Variants in NRXN3 observed in about 807,000 individuals in gnomAD.
NRXN3 encodes the protein neurexin III.
In NRXN3, 32 loss-of-function variants were observed where a neutral mutation model predicts 137.6. That is an observed-to-expected ratio of 0.23 (90% CI 0.18 to 0.31). The LOEUF (loss-of-function observed/expected upper bound fraction) is 0.31, where lower values mean the gene tolerates loss of function less well. Ranked by LOEUF, NRXN3 falls within the 10% of genes least tolerant of loss-of-function variation. The pLI is 1.00. For missense variants in NRXN3, 1,574 were observed against 2,062.5 expected (o/e 0.76, Z 4.59); for synonymous variants, 798 against 784.5 (o/e 1.02, Z -0.29).
chr14:79,233,350 G>T (rs763066395), intron 15 of NRXN3, among the ~76,000 whole-genome samples: 1 of 152,116 alleles, frequency 6.6e-6, no homozygotes, highest in Non-Finnish European at 1.5e-5. Flanking sequence ...TGGGGCTCAG[G>T]GTTCACTGGG....
At chr14:79,376,590 T>C (rs1463219866) in intron 15 of NRXN3, among the ~76,000 whole-genome samples, 1 of 152,086 alleles carries the variant, frequency 6.6e-6, no homozygotes, top group Non-Finnish European at 1.5e-5. Flanking sequence ...GATGATGTCA[T>C]TGATGAGATT....
At chr14:79,226,976 A>G (rs1231723918) in intron 15 of NRXN3, among the ~76,000 whole-genome samples, 4 of 150,774 alleles carry the variant, frequency 2.7e-5, no homozygotes, top group Non-Finnish European at 5.9e-5. Flanking sequence ...ATGCACCACC[A>G]CACCCAGCTA....
intron 16 of NRXN3, among the ~76,000 whole-genome samples, chr14:79,584,999 A>G (rs2097754220): frequency 6.6e-6 from 1 of 152,224 alleles, no homozygotes; most frequent in African/African-American, 2.4e-5. Flanking sequence ...CACAGCAACC[A>G]ATGTCCTTTC....
chr14:78,376,646 T>C (rs1282398257), intron 4 of NRXN3, among the ~76,000 whole-genome samples: 1 of 152,148 alleles, frequency 6.6e-6, no homozygotes, highest in Non-Finnish European at 1.5e-5. Flanking sequence ...CTAAAGAAGC[T>C]GAAAAGCTGG....
chr14:78,299,772 A>G (rs914554327), intron 4 of NRXN3, among the ~76,000 whole-genome samples: 12 of 152,252 alleles, frequency 7.9e-5, no homozygotes, highest in Non-Finnish European at 1.8e-4. Flanking sequence ...AGCTTCAGAT[A>G]CAACCATGCT....
At chr14:79,623,727 C>G (rs780651325) in intron 16 of NRXN3, among the ~76,000 whole-genome samples, 13 of 152,144 alleles carry the variant, frequency 8.5e-5, no homozygotes, top group Non-Finnish European at 1.6e-4. Context: ...CACCCATTAA[C>G]TGCCATTTCT....
rs374655571 is a variant in NRXN3, at chr14:78,649,074, C to T, written c.1060-2091C>T. On this transcript the variant is annotated intron_variant, in intron 5 of 20. Coordinates refer to ENST00000335750, the MANE Select transcript of NRXN3 (RefSeq NM_001330195.2). The stretch of plus-strand genomic sequence containing the variant: ...CATAGAGTCCTGGTCTCATTGTCTT[C>T]CCCCCACTCTCTTTTTCTGTGTCGG... 6.6e-4 allele frequency among the ~76,000 whole-genome samples: 101 copies of T among 152,216 alleles called. 1 individual carries two copies. The highest frequency in any genetic ancestry group is 2.3e-3 in the African/African-American group (96 of 41,528).
intron 3 of NRXN3, among the ~76,000 whole-genome samples, chr14:78,295,414 A>C (rs2076214986): frequency 6.6e-6 from 1 of 152,190 alleles, no homozygotes; most frequent in Non-Finnish European, 1.5e-5. Context: ...TAGTTTAATA[A>C]AACCTGATAA....
intron 13 of NRXN3, 91 bp downstream of exon 13, chr14:78,967,489 A>G: frequency 1.1e-6 from 1 of 889,826 alleles, no homozygotes; most frequent in Non-Finnish European, 1.7e-6. Context: ...TCAGAGTGCC[A>G]TGCATTTTTG....
At chr14:78,948,538 G>A (rs1319789382) in intron 10 of NRXN3, among the ~76,000 whole-genome samples, 1 of 151,920 alleles carries the variant, frequency 6.6e-6, no homozygotes, top group Admixed American at 6.6e-5. Flanking sequence ...GGAATATGAT[G>A]CCAGGCGGCA....
intron 4 of NRXN3, among the ~76,000 whole-genome samples, chr14:78,613,459 GC>G (rs2097316795): frequency 4.0e-5 from 6 of 151,726 alleles, no homozygotes; most frequent in Admixed American, 3.3e-4. Context: ...AAAATAATAA[GC>G]CCTTTATCTA....
chr14:78,349,515 T>C (rs1444920355), intron 4 of NRXN3, among the ~76,000 whole-genome samples: 1 of 152,252 alleles, frequency 6.6e-6, no homozygotes, highest in East Asian at 1.9e-4. Context: ...CACATGTTCA[T>C]TTTAAAGTAG....
At chr14:78,690,984 G>C (rs2098165663) in intron 6 of NRXN3, among the ~76,000 whole-genome samples, 3 of 152,068 alleles carry the variant, frequency 2.0e-5, no homozygotes, top group African/African-American at 7.2e-5. Context: ...CAGATGCGTG[G>C]GGGAAGCCTC....
intron 6 of NRXN3, among the ~76,000 whole-genome samples, chr14:78,654,276 T>C (rs1010409464): frequency 1.3e-5 from 2 of 152,230 alleles, no homozygotes; most frequent in Admixed American, 6.5e-5. Context: ...GAACAGTCTT[T>C]AATTATTTCA....
chr14:79,150,552 C>T (rs1194512889), intron 15 of NRXN3, among the ~76,000 whole-genome samples: 1 of 151,994 alleles, frequency 6.6e-6, no homozygotes, highest in Non-Finnish European at 1.5e-5. Context: ...CACCCCTTCA[C>T]ACTTCCAGCT....
intron 15 of NRXN3, among the ~76,000 whole-genome samples, chr14:79,416,561 A>G (rs2196444): frequency 0.31 from 47,819 of 151,822 alleles, 8,172 homozygotes; most frequent in Middle Eastern, 0.53. Context: ...AATACAACAC[A>G]ATTGCTATAT....
chr14:78,339,993 CA>C (rs2081973273), intron 4 of NRXN3, among the ~76,000 whole-genome samples: 1 of 152,084 alleles, frequency 6.6e-6, no homozygotes, highest in African/African-American at 2.4e-5. Context: ...TGTAGTCTAC[CA>C]ACAGCTGAAA....
chr14:78,925,758 C>A (rs765416086), intron 10 of NRXN3, among the ~76,000 whole-genome samples: 3 of 152,120 alleles, frequency 2.0e-5, no homozygotes, highest in Non-Finnish European at 2.9e-5. Flanking sequence ...CGAGGCCAGT[C>A]CTCATAAAAA....
At chr14:79,285,741 AGGCCCT>A (rs2082127561) in intron 15 of NRXN3, among the ~76,000 whole-genome samples, 1 of 152,158 alleles carries the variant, frequency 6.6e-6, no homozygotes, top group Non-Finnish European at 1.5e-5. Flanking sequence ...ATCTCTTTAA[AGGCCCT>A]GTCCTCACAT....
Sources: gnomAD v4.1 joint callset for allele counts (sites outside exome capture counted in the v4.1 genomes callset) on GRCh38, gnomAD v4.1.1 for gene constraint, MANE v1.5 for transcripts, NCBI Gene and HGNC (gene_info 2026-07-23, HGNC 2026-07-21) for gene names.